MTSS1: variants seen among roughly 807,000 people sequenced by gnomAD.
MTSS1 encodes protein MTSS 1.
In MTSS1, 18 loss-of-function variants were observed where a neutral mutation model predicts 79.0. The ratio of observed to expected loss-of-function variants is 0.23; its 90% CI spans 0.16 to 0.34. The LOEUF (loss-of-function observed/expected upper bound fraction) is 0.34. Among genes scored for constraint, MTSS1 ranks in the 10% least tolerant of loss-of-function variants. MTSS1 has a pLI of 1.00. For missense variants in MTSS1, 815 were observed against 986.2 expected, an observed-to-expected ratio of 0.83 and a Z score of 2.33; for synonymous variants, 341 against 368.6, an observed-to-expected ratio of 0.93 and a Z score of 0.86.
chr8:124,624,101 G>A lies in MTSS1; in HGVS notation c.209-32866C>T, dbSNP rs117868134. Among the ~76,000 whole-genome samples, 101 of 152,318 alleles carry A rather than the reference G, an allele frequency of 6.6e-4. 1 individual carries two copies. The highest frequency in any genetic ancestry group is 1.2e-3 in the Non-Finnish European group (85 of 68,034). ...ACACCAGCTTAAAACAAAGGAGAGA[G>A]GCTTACTTTCAACCCCCATTTCACT... On this transcript the variant is annotated intron_variant, in intron 3 of 13. Coordinates refer to ENST00000518547, the MANE Select transcript of MTSS1 (RefSeq NM_014751.6).
chr8:124,606,267 G>A (rs1834866317), intron 3 of MTSS1, among the ~76,000 whole-genome samples: 1 of 151,062 alleles, frequency 6.6e-6, no homozygotes, highest in Admixed American at 6.6e-5. Flanking sequence ...CTGCCTCCTG[G>A]GTTCAAGCGA....
chr8:124,721,791 A>G (rs1832983303), intron 1 of MTSS1, among the ~76,000 whole-genome samples: 6 of 152,148 alleles, frequency 3.9e-5, no homozygotes. Flanking sequence ...TCTTAATGCC[A>G]TGAATGTACC....
Position 124,689,330 on chromosome 8 carries a change from C to G in MTSS1, c.208+10196G>C, listed in dbSNP as rs531694124. Among the ~76,000 whole-genome samples, 22 of 152,192 alleles carry G rather than the reference C, an allele frequency of 1.4e-4. 1 individual carries two copies. In the South Asian group the frequency reaches 2.9e-3, roughly 20 times the overall value. On this transcript the variant is annotated intron_variant, in intron 3 of 13. Coordinates refer to ENST00000518547, the MANE Select transcript of MTSS1 (RefSeq NM_014751.6). ...TAGAAAAATACTAGTTTGACAACTTCAAGTATCTTCAAGTTCACATTTACA... is the reference window on the plus strand; with the variant it reads ...TAGAAAAATACTAGTTTGACAACTTGAAGTATCTTCAAGTTCACATTTACA...
At chr8:124,662,185 C>T (rs574935075) in intron 3 of MTSS1, among the ~76,000 whole-genome samples, 4 of 152,060 alleles carry the variant, frequency 2.6e-5, no homozygotes, top group Admixed American at 1.3e-4. Context: ...AAGAGGACAA[C>T]GTCAACGCTA....
intron 3 of MTSS1, among the ~76,000 whole-genome samples, chr8:124,644,147 G>A (rs371455092): frequency 6.6e-6 from 1 of 152,080 alleles, no homozygotes; most frequent in South Asian, 2.1e-4. Flanking sequence ...CATGGGCATT[G>A]CTCATTTTCA....
chr8:124,558,313 A>C (rs6470248), intron 10 of MTSS1, among the ~76,000 whole-genome samples: 11,968 of 150,132 alleles, frequency 0.08, 627 homozygotes, highest in Non-Finnish European at 0.11. Context: ...GCACATTCTC[A>C]ATCAAGGGCA....
At chr8:124,723,988 C>T (rs1833315598) in intron 1 of MTSS1, among the ~76,000 whole-genome samples, 1 of 152,144 alleles carries the variant, frequency 6.6e-6, no homozygotes, top group Non-Finnish European at 1.5e-5. Context: ...TCATGACCAC[C>T]ATATTGGATT....
chr8:124,580,573 G>A (rs377526462), intron 6 of MTSS1: 15 of 1,535,646 alleles, frequency 9.8e-6, no homozygotes, highest in Non-Finnish European at 1.2e-5. Flanking sequence ...CTGGCGGGGG[G>A]GCACACGGTG....
chr8:124,575,242 C>T (rs1399235924), intron 6 of MTSS1, among the ~76,000 whole-genome samples: 3 of 152,114 alleles, frequency 2.0e-5, no homozygotes, highest in Non-Finnish European at 4.4e-5. Context: ...AAAGAAAAAT[C>T]CAACCCGAAA....
At chr8:124,698,489 T>C (rs1057209792) in intron 3 of MTSS1, among the ~76,000 whole-genome samples, 8 of 151,740 alleles carry the variant, frequency 5.3e-5, no homozygotes, top group African/African-American at 1.7e-4. Context: ...ACTGGTAATG[T>C]TGCATGTGTT....
At chr8:124,722,646 G>C (rs1037624004) in intron 1 of MTSS1, among the ~76,000 whole-genome samples, 2 of 152,166 alleles carry the variant, frequency 1.3e-5, no homozygotes, top group Non-Finnish European at 2.9e-5. Flanking sequence ...CATATCAGCA[G>C]TGCTATCTCC....
intron 3 of MTSS1, among the ~76,000 whole-genome samples, chr8:124,696,672 G>A (rs887580595): frequency 9.9e-5 from 15 of 152,094 alleles, no homozygotes; most frequent in South Asian, 4.2e-4. Flanking sequence ...CCAACATGAC[G>A]AAACCCTGTC....
chr8:124,689,667 A>G (rs1827610123), intron 3 of MTSS1, among the ~76,000 whole-genome samples: 1 of 148,122 alleles, frequency 6.8e-6, no homozygotes, highest in Non-Finnish European at 1.5e-5. Context: ...AGTCGCTTGA[A>G]CCCGGGAGGT....
chr8:124,709,803 T>G (rs1282351046), intron 1 of MTSS1, among the ~76,000 whole-genome samples: 2 of 152,164 alleles, frequency 1.3e-5, no homozygotes, highest in Non-Finnish European at 2.9e-5. Flanking sequence ...CTGTGGCTGC[T>G]TCTCTTCAAA....
chr8:124,694,418 T>C (rs906516827), intron 3 of MTSS1, among the ~76,000 whole-genome samples: 1 of 151,942 alleles, frequency 6.6e-6, no homozygotes, highest in Admixed American at 6.6e-5. Context: ...AGGAAGGCAT[T>C]TCAGATTCTC....
chr8:124,563,460 T>C (rs1223406414), intron 9 of MTSS1: 4 of 183,728 alleles, frequency 2.2e-5, no homozygotes, highest in Admixed American at 5.3e-5. Flanking sequence ...GGATGGACCA[T>C]CTGGGTCCAC....
At chr8:124,711,461 T>C (rs1435143122) in intron 1 of MTSS1, among the ~76,000 whole-genome samples, 6 of 152,180 alleles carry the variant, frequency 3.9e-5, no homozygotes. Flanking sequence ...AAGTGTTCCC[T>C]GATTCTGGGA....
intron 6 of MTSS1, among the ~76,000 whole-genome samples, chr8:124,570,114 A>G (rs1253497898): frequency 1.3e-5 from 2 of 152,260 alleles, no homozygotes; most frequent in Non-Finnish European, 2.9e-5. Flanking sequence ...TCAGGCTTAA[A>G]GCACATCCCA....
At chr8:124,567,558 C>G in intron 7 of MTSS1, 1 of 1,304,902 alleles carries the variant, frequency 7.7e-7, no homozygotes, top group Admixed American at 3.2e-5. Flanking sequence ...GATGACACGA[C>G]TTGGATATAT....
Sources: allele counts gnomAD v4.1 joint callset (sites outside exome capture counted in the v4.1 genomes callset), GRCh38; gene constraint gnomAD v4.1.1; transcripts MANE v1.5; gene names NCBI Gene and HGNC (gene_info 2026-07-23, HGNC 2026-07-21).